The following ELMO1 variants were observed in gnomAD, a reference collection of about 807,000 sequenced individuals.
ELMO1 encodes engulfment and cell motility 1.
In ELMO1, 26 loss-of-function variants were observed where a neutral mutation model predicts 98.9. The ratio of observed to expected loss-of-function variants is 0.26; its 90% CI spans 0.19 to 0.36. The LOEUF is 0.36. Ranked by LOEUF, ELMO1 falls within the 10% of genes least tolerant of loss-of-function variation. The pLI, the probability that ELMO1 is intolerant of heterozygous loss-of-function variation, is 1.00. For synonymous variants in ELMO1, 346 were observed against 346.0 expected (o/e 1.00, Z 0.00); for missense variants, 627 against 935.2 (o/e 0.67, Z 4.30).
chr7:37,379,467 T>C (rs1465285151), intron 1 of ELMO1, among the ~76,000 whole-genome samples: 1 of 152,172 alleles, frequency 6.6e-6, no homozygotes, highest in African/African-American at 2.4e-5. Flanking sequence ...CATCTACTGA[T>C]CTTGCTTTAA....
chr7:37,199,544 T>C (rs1284891744), intron 13 of ELMO1, among the ~76,000 whole-genome samples: 1 of 152,212 alleles, frequency 6.6e-6, no homozygotes, highest in African/African-American at 2.4e-5. Context: ...CTTCTGAAAT[T>C]AGATTACTCC....
At chr7:36,883,759 T>A (rs1804680526) in intron 18 of ELMO1, among the ~76,000 whole-genome samples, 1 of 152,164 alleles carries the variant, frequency 6.6e-6, no homozygotes, top group African/African-American at 2.4e-5. Flanking sequence ...CAATTAAACC[T>A]CTTTTCTTTA....
At chr7:36,990,906 T>C (rs1791829757) in intron 16 of ELMO1, among the ~76,000 whole-genome samples, 1 of 152,168 alleles carries the variant, frequency 6.6e-6, no homozygotes, top group Non-Finnish European at 1.5e-5. Flanking sequence ...GCACCATTTA[T>C]ATTGAGCCTT....
intron 7 of ELMO1, among the ~76,000 whole-genome samples, chr7:37,240,347 C>A (rs373440739): frequency 2.6e-5 from 4 of 152,084 alleles, no homozygotes; most frequent in African/African-American, 7.2e-5. Context: ...TTGCAATATT[C>A]TTTTATTTTA....
intron 18 of ELMO1, among the ~76,000 whole-genome samples, chr7:36,880,885 TA>T (rs1804398369): frequency 6.6e-6 from 1 of 152,218 alleles, no homozygotes. Context: ...GATGTTTGTT[TA>T]AAGAAAACCC....
chr7:37,188,445 C>A (rs1329972434), intron 13 of ELMO1, among the ~76,000 whole-genome samples: 3 of 33,782 alleles, frequency 8.9e-5, no homozygotes, highest in Admixed American at 3.6e-4. Flanking sequence ...CACACACACA[C>A]ACACACGCAA....
intron 15 of ELMO1, among the ~76,000 whole-genome samples, chr7:37,038,654 C>A (rs1395968069): frequency 6.6e-6 from 1 of 152,192 alleles, no homozygotes; most frequent in Non-Finnish European, 1.5e-5. Context: ...TATTACTCTT[C>A]CAAACTTAGT....
intron 15 of ELMO1, among the ~76,000 whole-genome samples, chr7:37,074,139 A>G (rs1268996006): frequency 6.7e-6 from 1 of 148,176 alleles, no homozygotes; most frequent in African/African-American, 2.4e-5. Context: ...TTATATATCA[A>G]TATAATACTA....
rs572966042 is a variant in ELMO1 at position 36,859,439 on chromosome 7, G to T, written c.1983+2220C>A. Among the ~76,000 whole-genome samples the T allele has an allele frequency of 1.7e-4, 26 of 152,326 alleles. No individual in the cohort carries two copies. The South Asian group carries it at 5.2e-3, about 30-fold the overall frequency. On this transcript the variant is annotated intron_variant, in intron 21 of 21. Coordinates refer to ENST00000310758, the MANE Select transcript of ELMO1 (RefSeq NM_014800.11). ...GGCAGCTGGGTGATGGTGGAAGAGT[G>T]GATGGGAGCACAGGTGAACCAGATT...
chr7:37,001,881 G>T (rs1792694424), intron 16 of ELMO1, among the ~76,000 whole-genome samples: 1 of 152,200 alleles, frequency 6.6e-6, no homozygotes, highest in Non-Finnish European at 1.5e-5. Context: ...GTCAGGCAAT[G>T]AACAGCCACA....
At chr7:36,874,714 A>T (rs555936638) in intron 19 of ELMO1, among the ~76,000 whole-genome samples, 2 of 152,258 alleles carry the variant, frequency 1.3e-5, no homozygotes, top group African/African-American at 4.8e-5. Context: ...ATGCTGGCCT[A>T]GATTCTTTCA....
At chr7:37,371,209 T>C (rs568346394) in intron 1 of ELMO1, among the ~76,000 whole-genome samples, 9 of 152,220 alleles carry the variant, frequency 5.9e-5, no homozygotes, top group Non-Finnish European at 1.2e-4. Flanking sequence ...AAAAATCATT[T>C]GTATTTGTGT....
chr7:37,412,288 G>A lies in ELMO1; in HGVS notation c.-74+36387C>T, dbSNP rs182382836. ...CAGAGAGTTCTATTCTCAGGAGCCA[G>A]GGCGTTTGTGGGGTCCTCCTGGACA... On this transcript the variant is annotated intron_variant, in intron 1 of 21. Coordinates refer to ENST00000310758, the MANE Select transcript of ELMO1 (RefSeq NM_014800.11). Among the ~76,000 whole-genome samples, 307 of 152,354 alleles carry A rather than the reference G, an allele frequency of 2.0e-3. 2 individuals are homozygous for A. The highest frequency in any genetic ancestry group is 6.9e-3 in the African/African-American group (286 of 41,574).
intron 1 of ELMO1, among the ~76,000 whole-genome samples, chr7:37,426,414 C>T (rs544841968): frequency 3.3e-5 from 5 of 152,180 alleles, no homozygotes; most frequent in African/African-American, 1.2e-4. Context: ...CTTGGCCTCT[C>T]AAAGTGCTGG....
At chr7:37,082,546 A>C (rs763782217) in intron 15 of ELMO1, among the ~76,000 whole-genome samples, 2 of 152,062 alleles carry the variant, frequency 1.3e-5, no homozygotes, top group Non-Finnish European at 2.9e-5. Flanking sequence ...TCTACCAAAA[A>C]AAAATTGGTA....
intron 6 of ELMO1, among the ~76,000 whole-genome samples, chr7:37,248,608 A>C (rs1795148473): frequency 6.6e-6 from 1 of 152,246 alleles, no homozygotes; most frequent in South Asian, 2.1e-4. Context: ...GCTCCAAGAA[A>C]ACAGCAGAAA....
At chr7:37,049,304 C>G (rs1795973554) in intron 15 of ELMO1, among the ~76,000 whole-genome samples, 2 of 152,162 alleles carry the variant, frequency 1.3e-5, no homozygotes, top group African/African-American at 4.8e-5. Context: ...CCTGGTTCAG[C>G]TCTTGGGCCG....
chr7:37,277,515 A>G (rs1233536580), intron 4 of ELMO1, among the ~76,000 whole-genome samples: 2 of 152,200 alleles, frequency 1.3e-5, no homozygotes, highest in Non-Finnish European at 2.9e-5. Context: ...TGAAAGGTAG[A>G]CTGATCTTCC....
intron 1 of ELMO1, among the ~76,000 whole-genome samples, chr7:37,429,023 GTTGTTGTTGTT>G (rs1562686375): frequency 5.0e-4 from 3 of 5,954 alleles, no homozygotes; most frequent in Non-Finnish European, 1.0e-3. Flanking sequence ...ACTGCAGGTT[GTTGTTGTTGTT>G]GTTGTTGTTG....
Sources: allele counts gnomAD v4.1 joint callset (sites outside exome capture counted in the v4.1 genomes callset), GRCh38; gene constraint gnomAD v4.1.1; transcripts MANE v1.5; gene names NCBI Gene and HGNC (gene_info 2026-07-23, HGNC 2026-07-21).